Variants in RYR1 observed in about 807,000 individuals in gnomAD.
RYR1 encodes the protein ryanodine receptor 1, also known as central core disease of muscle.
In RYR1, 342 loss-of-function variants were observed where a neutral mutation model predicts 583.5. The ratio of observed to expected loss-of-function variants is 0.59; its 90% CI spans 0.54 to 0.64. RYR1 has a LOEUF of 0.64. Among genes scored for constraint, RYR1 ranks in the 30% least tolerant of loss-of-function variants. The probability of loss-of-function intolerance (pLI) is 0.00; values close to 1 mark genes in which losing one functional copy is unlikely to be tolerated. For missense variants in RYR1, 6,032 were observed against 6,917.2 expected, an observed-to-expected ratio of 0.87 and a Z score of 4.54; for synonymous variants, 2,791 against 2,822.5, an observed-to-expected ratio of 0.99 and a Z score of 0.35.
intron 19 of RYR1, among the ~76,000 whole-genome samples, chr19:38,460,146 ACCCT>A (rs1159330281): frequency 1.3e-5 from 2 of 151,730 alleles, no homozygotes; most frequent in African/African-American, 2.4e-5. Flanking sequence ...TTAACCAGAG[ACCCT>A]CCCGCTCTCA....
At chr19:38,461,858 C>A (rs1967770466) in intron 20 of RYR1, among the ~76,000 whole-genome samples, 1 of 152,012 alleles carries the variant, frequency 6.6e-6, no homozygotes, top group African/African-American at 2.4e-5. Context: ...AATTCAAGAC[C>A]AGCCTGGCCA....
chr19:38,486,113 C>A lies in RYR1; in HGVS notation c.5458C>A (p.Arg1820Ser). The A allele has an allele frequency of 6.2e-7, 1 of 1,612,898 alleles. No individual in the cohort carries two copies. Among genetic ancestry groups the A allele is most frequent in the Non-Finnish European group, 8.5e-7 (1 of 1,179,730 alleles). The stretch of plus-strand genomic sequence containing the variant: ...ACTGAGGATGCTGGGGGAGGCGGTG[C>A]GCGACGGTGGGCAGCACGCTCGCGA... Reference protein sequence around the residue: ...KALRMLGEAVRDGGQHARDPV... With the variant: ...KALRMLGEAVSDGGQHARDPV... The change falls in exon 34 of 106, where the codon CGC becomes AGC. Residue 1820 changes from arginine (R) to serine (S), a missense_variant. By Grantham distance (110) the Arg-to-Ser change is moderately radical (BLOSUM62 -1). Coordinates refer to ENST00000359596, the MANE Select transcript of RYR1 (RefSeq NM_000540.3).
At chr19:38,536,854 C>A in intron 83 of RYR1, 87 bp downstream of exon 83, 7 of 1,437,854 alleles carry the variant, frequency 4.9e-6, no homozygotes, top group Non-Finnish European at 6.9e-6. Context: ...GGCTGAGGAT[C>A]TGGGACGTGG....
At position 38,483,628 on chromosome 19, in the gene RYR1, C is replaced by G. The variant is rs954074371; in HGVS notation, c.4934+112C>G. Reference sequence around the variant, plus strand: ...AACCCCGGGATTCCAGACTACACCCCAGGAATCTCCAGACCTACCTCAGGG... The same window carrying G: ...AACCCCGGGATTCCAGACTACACCCGAGGAATCTCCAGACCTACCTCAGGG... On this transcript the variant is annotated intron_variant, in intron 33 of 105. Transcript: ENST00000359596. The surrounding 1 kb of genome is among the most constrained non-coding windows in gnomAD (Gnocchi z 6.3). 1 of 918,858 alleles carries G rather than the reference C, an allele frequency of 1.1e-6. No individual in the cohort carries two copies. Among genetic ancestry groups the G allele is most frequent in the Non-Finnish European group, 1.7e-6 (1 of 597,326 alleles). 56.9% of individuals were successfully genotyped at this position (918,858 alleles called of 1,614,324 possible).
intron 34 of RYR1, among the ~76,000 whole-genome samples, chr19:38,488,435 T>A (rs895634094): frequency 6.6e-6 from 1 of 152,136 alleles, no homozygotes; most frequent in Non-Finnish European, 1.5e-5. Flanking sequence ...TCTCTCTCTC[T>A]CCCCTGCACT....
chr19:38,488,576 C>T (rs1323282068), intron 34 of RYR1, among the ~76,000 whole-genome samples: 1 of 152,084 alleles, frequency 6.6e-6, no homozygotes, highest in African/African-American at 2.4e-5. Context: ...ATATCAGCTC[C>T]CTGCAACCTC....
chr19:38,546,304 C>T (rs1972420408), intron 87 of RYR1, 141 bp from the exon 88 acceptor site: 2 of 717,666 alleles, frequency 2.8e-6, no homozygotes, highest in Non-Finnish European at 5.0e-6. Flanking sequence ...TTCCGAGGAA[C>T]ATGTCTGGAC....
chr19:38,477,661 A>C, intron 29 of RYR1, 49 bp from the exon 30 acceptor site: 3 of 1,613,548 alleles, frequency 1.9e-6, no homozygotes, highest in South Asian at 2.2e-5. Context: ...AGGGAGCCCG[A>C]GTCCCTGACT....
intron 67 of RYR1, 33 bp downstream of exon 67, chr19:38,519,487 GC>G: frequency 6.4e-7 from 1 of 1,570,066 alleles, no homozygotes. Context: ...CATGCCCTCC[GC>G]CCCGACCTCC....
chr19:38,486,804 C>T (rs1233329643), intron 34 of RYR1, among the ~76,000 whole-genome samples: 1 of 152,144 alleles, frequency 6.6e-6, no homozygotes, highest in Non-Finnish European at 1.5e-5. Flanking sequence ...CATCAGTCCT[C>T]CACCAGCCTT....
intron 72 of RYR1, among the ~76,000 whole-genome samples, chr19:38,527,265 C>G (rs558554512): frequency 6.6e-6 from 1 of 152,334 alleles, no homozygotes; most frequent in African/African-American, 2.4e-5. Context: ...AATCCCAACA[C>G]TTTGGAAGGC....
Position 38,586,514 on chromosome 19 carries a change from C to G in RYR1, c.14970-11C>G, listed in dbSNP as rs1259322282. On this transcript the variant is annotated splice_polypyrimidine_tract_variant and intron_variant, in intron 104 of 105. Coordinates refer to ENST00000359596, the MANE Select transcript of RYR1 (RefSeq NM_000540.3). ...GTTCTGACTTGTCTCCTGTGGTCCTCTCACCCTCAGGTTTTTCCTGATGTA... is the reference window on the plus strand; with the variant it reads ...GTTCTGACTTGTCTCCTGTGGTCCTGTCACCCTCAGGTTTTTCCTGATGTA... 3 of 1,613,282 alleles carry G rather than the reference C, an allele frequency of 1.9e-6. No homozygotes were observed. The highest frequency in any genetic ancestry group is 1.3e-5 in the African/African-American group (1 of 74,900).
rs536607655 is a variant in RYR1 at position 38,493,420 on chromosome 19, A to G, written c.6274+784A>G. 1.0e-3 allele frequency among the ~76,000 whole-genome samples: 156 copies of G among 152,034 alleles called. 1 individual carries two copies. The highest frequency in any genetic ancestry group is 2.3e-3 in the African/African-American group (95 of 41,506). ...TCAGGAAACTTTTATGGGGCCAACT[A>G]TGGGCCAGGCACTGTTACCAGGGCT... On this transcript the variant is annotated intron_variant, in intron 38 of 105. Coordinates refer to ENST00000359596, the MANE Select transcript of RYR1 (RefSeq NM_000540.3).
At position 38,586,115 on chromosome 19, in the gene RYR1, G is replaced by A; in HGVS notation, c.14893G>A (p.Gly4965Ser). 5 of 1,614,082 alleles carry A rather than the reference G, an allele frequency of 3.1e-6. No homozygotes were observed. Among genetic ancestry groups the A allele is most frequent in the East Asian group, 4.5e-5 (2 of 44,884 alleles). ...METKCFICGI[G>S]SDYFDTTPHG... The stretch of plus-strand genomic sequence containing the variant: ...GACCAAGTGCTTCATCTGTGGAATC[G>A]GCAGTGACTACTTTGATACGACACC... Residue 4965 changes from glycine to serine, a missense_variant, in exon 104 of 106, where the codon GGC (glycine) becomes AGC (serine). Physicochemically the swap from Gly to Ser is moderately conservative, Grantham distance 56. Transcript: ENST00000359596.
chr19:38,463,387 G>C (rs1312512563), intron 20 of RYR1, 36 bp from the exon 21 acceptor site: 2 of 1,577,430 alleles, frequency 1.3e-6, no homozygotes, highest in African/African-American at 1.3e-5. Context: ...AGGGTAGAGG[G>C]ACCTTGGGGT....
At chr19:38,539,395 T>C (rs115404685) in intron 84 of RYR1, among the ~76,000 whole-genome samples, 5,948 of 151,944 alleles carry the variant, frequency 0.039, 139 homozygotes, top group African/African-American at 0.043. Flanking sequence ...TGCATCACCA[T>C]GTCTGGCTAA....
In RYR1 at chr19:38,526,915, G is replaced by A. The variant is rs114016558; in HGVS notation, c.10627-78G>A. 1,293 of 1,500,976 alleles carry A rather than the reference G, an allele frequency of 8.6e-4. 12 individuals carry two copies. In the African/African-American group the frequency reaches 0.016, roughly 19 times the overall value. The allele number at this position is 1,500,976 out of a possible 1,614,324, so 93.0% of individuals were successfully genotyped here. On this transcript the variant is annotated intron_variant, in intron 71 of 105. Coordinates refer to ENST00000359596, the MANE Select transcript of RYR1 (RefSeq NM_000540.3). ...AACCTCTTCAGTTCCTGGGGTGCTGGGCCTGGAAGGAAAGGGTTGTGGGTC... is the reference window on the plus strand; with the variant it reads ...AACCTCTTCAGTTCCTGGGGTGCTGAGCCTGGAAGGAAAGGGTTGTGGGTC...
intron 89 of RYR1, 51 bp downstream of exon 89, chr19:38,548,471 G>GC (rs779810903): frequency 1.9e-6 from 3 of 1,576,600 alleles, no homozygotes; most frequent in Non-Finnish European, 8.7e-7. Flanking sequence ...GTTGCCAAGG[G>GC]CCAGCCATAC....
At position 38,565,196 on chromosome 19, in the gene RYR1, ACGG is replaced by A. The variant is rs1228854800; in HGVS notation, c.12872_12874del (p.Ala4291del). The stretch of plus-strand genomic sequence containing the variant: ...GGCGGGGCTCGAGGGCACGGCGGCC[ACGG>A]CGGCGGCGGGGGCGACGGCGCGGGT... On this transcript the variant is annotated inframe_deletion, in exon 91 of 106. Transcript: ENST00000359596. This position sits in a 1 kb window ranked among gnomAD's most constrained non-coding sequence, Gnocchi z 4.7. 1 of 1,036,294 alleles carries A rather than the reference ACGG, an allele frequency of 9.6e-7. No individual in the cohort carries two copies. Among genetic ancestry groups the A allele is most frequent in the Non-Finnish European group, 1.2e-6 (1 of 865,010 alleles). 64.2% of individuals were successfully genotyped at this position (1,036,294 alleles called of 1,614,324 possible).
Sources: gnomAD v4.1 joint callset for allele counts (sites outside exome capture counted in the v4.1 genomes callset) on GRCh38, gnomAD v4.1.1 for gene constraint, Gnocchi (gnomAD v3.1) non-coding constraint, MANE v1.5 for transcripts, NCBI Gene and HGNC (gene_info 2026-07-23, HGNC 2026-07-21) for gene names.